CTNNA3: variants seen among roughly 807,000 people sequenced by gnomAD.
The protein encoded by CTNNA3 is catenin alpha 3.
A neutral mutation model predicts 95.7 loss-of-function variants in CTNNA3; 76 were observed. The observed-to-expected ratio is 0.79, with a 90% CI of 0.66 to 0.96. The LOEUF (loss-of-function observed/expected upper bound fraction) is 0.96, where lower values mean the gene tolerates loss of function less well. CTNNA3 is among the 40% of genes least tolerant of loss of function. The pLI is 0.00. For synonymous variants in CTNNA3, 431 were observed against 374.4 expected, an observed-to-expected ratio of 1.15 and a Z score of -1.74; for missense variants, 1,191 against 1,089.8, an observed-to-expected ratio of 1.09 and a Z score of -1.31.
chr10:67,106,064 C>T (rs1286243855), intron 7 of CTNNA3, among the ~76,000 whole-genome samples: 1 of 152,198 alleles, frequency 6.6e-6, no homozygotes, highest in Non-Finnish European at 1.5e-5. Flanking sequence ...TGTTACACTT[C>T]ATCATTTTGT....
At chr10:66,876,845 A>T (rs1844643439) in intron 7 of CTNNA3, among the ~76,000 whole-genome samples, 2 of 152,104 alleles carry the variant, frequency 1.3e-5, no homozygotes, top group African/African-American at 4.8e-5. Flanking sequence ...GAAAAAGGTA[A>T]CTTATAAACA....
At chr10:65,953,408 T>C (rs2077660722) in intron 17 of CTNNA3, among the ~76,000 whole-genome samples, 1 of 152,112 alleles carries the variant, frequency 6.6e-6, no homozygotes, top group African/African-American at 2.4e-5. Context: ...TATTATACTT[T>C]AAGTTCTAGG....
At chr10:67,377,539 T>C (rs564423838) in intron 5 of CTNNA3, among the ~76,000 whole-genome samples, 12 of 152,320 alleles carry the variant, frequency 7.9e-5, no homozygotes, top group Non-Finnish European at 1.5e-4. Flanking sequence ...GGTCTGGAAA[T>C]TTGGGGATAA....
intron 11 of CTNNA3, among the ~76,000 whole-genome samples, chr10:66,435,657 G>GT (rs2093331677): frequency 1.3e-5 from 2 of 152,040 alleles, no homozygotes; most frequent in South Asian, 4.2e-4. Flanking sequence ...TTTTTGAAAG[G>GT]TTTTTTGTGT....
At chr10:66,977,510 C>T (rs1653637738) in intron 7 of CTNNA3, among the ~76,000 whole-genome samples, 1 of 151,916 alleles carries the variant, frequency 6.6e-6, no homozygotes, top group Middle Eastern at 3.4e-3. Flanking sequence ...TTAGAAACTA[C>T]AAGAGTGGCC....
intron 12 of CTNNA3, among the ~76,000 whole-genome samples, chr10:66,366,382 A>G (rs774469064): frequency 6.6e-6 from 1 of 152,198 alleles, no homozygotes; most frequent in Non-Finnish European, 1.5e-5. Flanking sequence ...TGACTGCACA[A>G]ATTCTATGCT....
chr10:66,844,811 T>G (rs892588702), intron 7 of CTNNA3, among the ~76,000 whole-genome samples: 24 of 152,176 alleles, frequency 1.6e-4, no homozygotes, highest in Non-Finnish European at 5.9e-5. Context: ...CACAAACACT[T>G]GTTTGCAATA....
At chr10:66,121,178 C>T (rs182840377) in intron 13 of CTNNA3, among the ~76,000 whole-genome samples, 1 of 152,278 alleles carries the variant, frequency 6.6e-6, no homozygotes, top group Admixed American at 6.5e-5. Flanking sequence ...AAGTACAACA[C>T]AGAAGCTCAA....
chr10:66,489,831 AG>A (rs1383478066), intron 11 of CTNNA3, among the ~76,000 whole-genome samples: 1 of 152,196 alleles, frequency 6.6e-6, no homozygotes, highest in African/African-American at 2.4e-5. Context: ...GGATTATGAA[AG>A]TCAGACGTAG....
chr10:66,006,289 A>C (rs966045612), intron 15 of CTNNA3, among the ~76,000 whole-genome samples: 1 of 152,082 alleles, frequency 6.6e-6, no homozygotes, highest in African/African-American at 2.4e-5. Flanking sequence ...CTGGGATTAC[A>C]GGTGTGAGCC....
At chr10:66,234,646 A>AC (rs1465261088) in intron 13 of CTNNA3, among the ~76,000 whole-genome samples, 1 of 152,180 alleles carries the variant, frequency 6.6e-6, no homozygotes, top group African/African-American at 2.4e-5. Context: ...TACATCCCTA[A>AC]GGCAGGTGAA....
At chr10:66,799,915 C>T (rs1400294777) in intron 7 of CTNNA3, among the ~76,000 whole-genome samples, 1 of 151,006 alleles carries the variant, frequency 6.6e-6, no homozygotes, top group African/African-American at 2.4e-5. Flanking sequence ...ATGTTGAACA[C>T]CTTTAAAGTA....
chr10:66,578,347 T>C (rs1266981169), intron 10 of CTNNA3, among the ~76,000 whole-genome samples: 1 of 151,990 alleles, frequency 6.6e-6, no homozygotes, highest in South Asian at 2.1e-4. Context: ...GGATCTCCTT[T>C]ACTATATTGA....
intron 7 of CTNNA3, among the ~76,000 whole-genome samples, chr10:66,795,207 GTTA>G (rs1841140970): frequency 6.6e-6 from 1 of 152,052 alleles, no homozygotes; most frequent in East Asian, 1.9e-4. Context: ...GATGACCAGA[GTTA>G]TTATCCATGG....
intron 1 of CTNNA3, among the ~76,000 whole-genome samples, chr10:67,726,457 TGA>T (rs1236384835): frequency 4.0e-5 from 3 of 74,438 alleles, no homozygotes; most frequent in Admixed American, 5.0e-4. Context: ...ATATTATATA[TGA>T]TATATGATAT....
intron 9 of CTNNA3, among the ~76,000 whole-genome samples, chr10:66,699,012 T>C (rs898153253): frequency 1.3e-5 from 2 of 152,240 alleles, no homozygotes; most frequent in Non-Finnish European, 2.9e-5. Context: ...TTTCATACTT[T>C]ATATTTGTGT....
chr10:66,260,259 T>A (rs2090950058), intron 13 of CTNNA3, among the ~76,000 whole-genome samples: 1 of 152,146 alleles, frequency 6.6e-6, no homozygotes, highest in South Asian at 2.1e-4. Flanking sequence ...TCAGGCTCAT[T>A]CAAATTCCAT....
chr10:66,942,930 C>A (rs553872677), intron 7 of CTNNA3, among the ~76,000 whole-genome samples: 4 of 152,246 alleles, frequency 2.6e-5, no homozygotes, highest in South Asian at 4.1e-4. Context: ...AGGAAGAATT[C>A]CAATGGGCAC....
At chr10:66,416,272 A>T (rs116742535) in intron 11 of CTNNA3, among the ~76,000 whole-genome samples, 52,135 of 151,408 alleles carry the variant, frequency 0.34, 9,631 homozygotes, top group African/African-American at 0.48. Context: ...ACATTTTTTA[A>T]AAAAAAAGAA....
Sources: gnomAD v4.1 joint callset for allele counts (sites outside exome capture counted in the v4.1 genomes callset) on GRCh38, gnomAD v4.1.1 for gene constraint, MANE v1.5 for transcripts, NCBI Gene and HGNC (gene_info 2026-07-23, HGNC 2026-07-21) for gene names.